Variants in PTPN4 observed in about 807,000 individuals in gnomAD.
PTPN4 encodes protein tyrosine phosphatase non-receptor type 4, also known as tyrosine-protein phosphatase non-receptor type 4.
In PTPN4, 49 loss-of-function variants were observed where a neutral mutation model predicts 135.5. The observed-to-expected ratio is 0.36, with a 90% CI of 0.29 to 0.46. PTPN4 has a LOEUF of 0.46. PTPN4 is among the 20% of genes least tolerant of loss of function. PTPN4 has a pLI of 1.00. For synonymous variants in PTPN4, 333 were observed against 369.9 expected (o/e 0.90, Z 1.14); for missense variants, 860 against 1,101.0 (o/e 0.78, Z 3.10).
Position 119,975,842 on chromosome 2 carries a change from A to C in PTPN4, c.2695-1142A>C, listed in dbSNP as rs552483580. The stretch of plus-strand genomic sequence containing the variant: ...GGGATTTTAAGATTTTTATAATTAT[A>C]TGCTATATTTACATTATTCCAAAGT... On this transcript the variant is annotated intron_variant, in intron 26 of 26. Transcript: ENST00000263708. 7.9e-4 allele frequency among the ~76,000 whole-genome samples: 120 copies of C among 152,266 alleles called. No homozygotes were observed. The Middle Eastern group carries it at 0.017, about 22-fold the overall frequency.
rs1488374847 is a variant in PTPN4 at position 119,981,136 on chromosome 2, GGC to G, written c.*4067_*4068del. ...CACAATAATGTGGGATATGTTTACA[GGC>G]TCTTTTATTTTGTGGTAGTTACTTT... On this transcript the variant is annotated 3_prime_UTR_variant, in exon 27 of 27. Transcript: ENST00000263708. The G allele has an allele frequency of 5.9e-5, 9 of 152,112 alleles. No individual in the cohort carries two copies. Among genetic ancestry groups the G allele is most frequent in the African/African-American group, 2.2e-4 (9 of 41,526 alleles). The allele number at this position is 152,112 out of a possible 1,614,324, so 9.4% of individuals were successfully genotyped here.
At chr2:119,862,420 T>C (rs1677774064) in intron 2 of PTPN4, 116 bp from the exon 3 acceptor site, 2 of 824,366 alleles carry the variant, frequency 2.4e-6, no homozygotes, top group Non-Finnish European at 3.7e-6. Flanking sequence ...AAAAAACGTT[T>C]GCTACCTCTG....
At chr2:119,867,592 A>T (rs1677850917) in intron 3 of PTPN4, among the ~76,000 whole-genome samples, 1 of 152,150 alleles carries the variant, frequency 6.6e-6, no homozygotes, top group African/African-American at 2.4e-5. Context: ...TTGATTTTGT[A>T]TTCTGTACCC....
At chr2:119,925,294 A>G (rs923157489) in intron 12 of PTPN4, among the ~76,000 whole-genome samples, 1 of 152,218 alleles carries the variant, frequency 6.6e-6, no homozygotes, top group African/African-American at 2.4e-5. Flanking sequence ...AAAATAATCT[A>G]GAAAATGGAA....
chr2:119,945,495 C>G (rs960939955), intron 16 of PTPN4, among the ~76,000 whole-genome samples: 16 of 152,050 alleles, frequency 1.1e-4, no homozygotes, highest in Admixed American at 3.9e-4. Context: ...AAGAGATCAT[C>G]TCTGATAAGA....
intron 10 of PTPN4, among the ~76,000 whole-genome samples, chr2:119,902,082 A>C (rs1358776315): frequency 6.6e-5 from 10 of 152,250 alleles, no homozygotes; most frequent in Non-Finnish European, 2.9e-5. Context: ...CAGAAAGTTC[A>C]GAGAATACCT....
intron 3 of PTPN4, among the ~76,000 whole-genome samples, chr2:119,866,236 C>T (rs2104990479): frequency 6.6e-6 from 1 of 152,042 alleles, no homozygotes; most frequent in East Asian, 1.9e-4. Context: ...TATATTATTC[C>T]TGTGCATTTA....
At chr2:119,874,683 A>C (rs767261694) in intron 3 of PTPN4, among the ~76,000 whole-genome samples, 5 of 152,188 alleles carry the variant, frequency 3.3e-5, no homozygotes, top group Non-Finnish European at 5.9e-5. Context: ...ATATTCTGGA[A>C]TTAGATAGTG....
chr2:119,977,175 A>T lies in PTPN4; in HGVS notation c.*105A>T, dbSNP rs2105069841. ...ATGGCATTTTACAAAAAAAAAATGAAGAACTCAAAAAAACTTTGAAAACTT... is the reference window on the plus strand; with the variant it reads ...ATGGCATTTTACAAAAAAAAAATGATGAACTCAAAAAAACTTTGAAAACTT... On this transcript the variant is annotated 3_prime_UTR_variant, in exon 27 of 27. Transcript: ENST00000263708. 1.4e-6 allele frequency: 2 copies of T among 1,392,066 alleles called. No homozygotes were observed. Among genetic ancestry groups the T allele is most frequent in the Non-Finnish European group, 1.9e-6 (2 of 1,070,458 alleles). 86.2% of individuals were successfully genotyped at this position (1,392,066 alleles called of 1,614,324 possible).
intron 13 of PTPN4, among the ~76,000 whole-genome samples, chr2:119,928,075 CAT>C (rs1441757221): frequency 2.6e-5 from 4 of 152,130 alleles, no homozygotes; most frequent in Non-Finnish European, 5.9e-5. Context: ...TGCATATACT[CAT>C]AGAGACATTT....
chr2:119,797,816 T>C (rs1691290470), intron 1 of PTPN4, among the ~76,000 whole-genome samples: 1 of 152,188 alleles, frequency 6.6e-6, no homozygotes, highest in Non-Finnish European at 1.5e-5. Context: ...GAATTTTAAA[T>C]ATGAAAAAAT....
intron 2 of PTPN4, among the ~76,000 whole-genome samples, chr2:119,859,782 T>G (rs571569870): frequency 6.6e-6 from 1 of 152,342 alleles, no homozygotes; most frequent in Admixed American, 6.5e-5. Flanking sequence ...TTCAGGCTTT[T>G]CACTTGCTGC....
At chr2:119,958,764 A>G (rs1005562109) in intron 22 of PTPN4, among the ~76,000 whole-genome samples, 4 of 152,214 alleles carry the variant, frequency 2.6e-5, no homozygotes, top group Non-Finnish European at 4.4e-5. Context: ...ACTTTATTTA[A>G]TATATAGTGC....
At chr2:119,801,426 A>T (rs1467122147) in intron 1 of PTPN4, among the ~76,000 whole-genome samples, 1 of 152,162 alleles carries the variant, frequency 6.6e-6, no homozygotes, top group Non-Finnish European at 1.5e-5. Context: ...CTAAAATAAA[A>T]TTATCTACAA....
chr2:119,845,241 AGAGGGG>A (rs1169496236), intron 2 of PTPN4, among the ~76,000 whole-genome samples: 2,507 of 28,342 alleles, frequency 0.088, 114 homozygotes, highest in African/African-American at 0.12. Context: ...GGGGAGAGGG[AGAGGGG>A]GAGGGGGAGG....
At chr2:119,831,713 C>T (rs1234112882) in intron 2 of PTPN4, among the ~76,000 whole-genome samples, 1 of 152,188 alleles carries the variant, frequency 6.6e-6, no homozygotes, top group Non-Finnish European at 1.5e-5. Context: ...TCATTTTCAT[C>T]ATTTACCTTC....
intron 2 of PTPN4, among the ~76,000 whole-genome samples, chr2:119,815,490 G>A (rs1384357069): frequency 2.0e-5 from 3 of 152,062 alleles, no homozygotes; most frequent in East Asian, 1.9e-4. Context: ...CATATATAAC[G>A]TTTTCATCCA....
intron 10 of PTPN4, among the ~76,000 whole-genome samples, chr2:119,912,059 C>T (rs945089288): frequency 6.6e-6 from 1 of 152,144 alleles, no homozygotes; most frequent in African/African-American, 2.4e-5. Context: ...CTATTTCCAT[C>T]CATGTTGTGG....
In PTPN4 at chr2:119,977,260, T is replaced by A; in HGVS notation, c.*190T>A. The A allele has an allele frequency of 1.1e-6, 1 of 912,482 alleles. No homozygotes were observed. The highest frequency in any genetic ancestry group is 3.2e-5 in the South Asian group (1 of 31,430). 56.5% of individuals were successfully genotyped at this position (912,482 alleles called of 1,614,324 possible). ...ACTCTTTCAAAATCTATAACTCATG[T>A]ATTTGAAGACTGTTTCATGCTTTGC... On this transcript the variant is annotated 3_prime_UTR_variant, in exon 27 of 27. Coordinates refer to ENST00000263708, the MANE Select transcript of PTPN4 (RefSeq NM_002830.4).
Sources: allele counts gnomAD v4.1 joint callset (sites outside exome capture counted in the v4.1 genomes callset), GRCh38; gene constraint gnomAD v4.1.1; transcripts MANE v1.5; gene names NCBI Gene and HGNC (gene_info 2026-07-23, HGNC 2026-07-21).